SORBS2: variants seen among roughly 807,000 people sequenced by gnomAD.
SORBS2 encodes the protein sorbin and SH3 domain-containing protein 2.
Under a neutral mutation model 97.7 loss-of-function variants are expected in SORBS2, and 46 were observed. The ratio of observed to expected loss-of-function variants is 0.47; its 90% CI spans 0.37 to 0.60. SORBS2 has a LOEUF of 0.60. Ranked by LOEUF, SORBS2 falls within the 20% of genes least tolerant of loss-of-function variation. SORBS2 has a pLI of 0.00. For missense variants in SORBS2, 1,316 were observed against 1,282.3 expected, an observed-to-expected ratio of 1.03 and a Z score of -0.40; for synonymous variants, 476 against 473.4, an observed-to-expected ratio of 1.01 and a Z score of -0.07.
At chr4:185,698,488 A>G (rs909059192) in intron 2 of SORBS2, among the ~76,000 whole-genome samples, 8 of 127,136 alleles carry the variant, frequency 6.3e-5, no homozygotes, top group Admixed American at 3.5e-4. Context: ...GCAAGACTCC[A>G]TCTCAAAAAA....
intron 13 of SORBS2, chr4:185,593,034 G>C (rs967100059): frequency 4.6e-5 from 7 of 152,314 alleles, no homozygotes; most frequent in Non-Finnish European, 8.8e-5. Flanking sequence ...TCATATGCCA[G>C]GACCTGCCGC....
chr4:185,688,926 A>T (rs1364538633), intron 2 of SORBS2, among the ~76,000 whole-genome samples: 1 of 152,196 alleles, frequency 6.6e-6, no homozygotes, highest in African/African-American at 2.4e-5. Flanking sequence ...TAAGCAAAAT[A>T]ATCCTATACA....
intron 4 of SORBS2, chr4:185,646,298 T>C (rs1176791948): frequency 6.3e-6 from 1 of 159,838 alleles, no homozygotes; most frequent in Non-Finnish European, 1.4e-5. Context: ...AGTTAAACTC[T>C]GATTAATGAT....
chr4:185,857,994 G>A (rs1405478945), intron 1 of SORBS2, among the ~76,000 whole-genome samples: 1 of 152,146 alleles, frequency 6.6e-6, no homozygotes, highest in Non-Finnish European at 1.5e-5. Flanking sequence ...GCCCTTTGAA[G>A]TATGTGATCT....
intron 12 of SORBS2, among the ~76,000 whole-genome samples, chr4:185,599,931 G>A (rs1050847079): frequency 6.6e-6 from 1 of 152,174 alleles, no homozygotes; most frequent in Non-Finnish European, 1.5e-5. Context: ...CACAAAGTGG[G>A]GGCATGCTGA....
At chr4:185,855,830 G>A (rs769802101) in intron 1 of SORBS2, among the ~76,000 whole-genome samples, 3 of 152,172 alleles carry the variant, frequency 2.0e-5, no homozygotes, top group Non-Finnish European at 4.4e-5. Flanking sequence ...ACCCTAGTTA[G>A]CATGAAGATG....
chr4:185,749,710 A>G (rs753676045), intron 2 of SORBS2, among the ~76,000 whole-genome samples: 33 of 152,380 alleles, frequency 2.2e-4, no homozygotes, highest in Non-Finnish European at 4.6e-4. Context: ...AATGGGCCAG[A>G]TAGACTAGTT....
At chr4:185,663,498 T>C (rs2097549869) in intron 4 of SORBS2, among the ~76,000 whole-genome samples, 1 of 152,214 alleles carries the variant, frequency 6.6e-6, no homozygotes, top group Non-Finnish European at 1.5e-5. Flanking sequence ...TACACTCATA[T>C]CATAACCAGC....
At chr4:185,649,967 A>C (rs2097284058) in intron 2 of SORBS2, among the ~76,000 whole-genome samples, 1 of 152,172 alleles carries the variant, frequency 6.6e-6, no homozygotes, top group Non-Finnish European at 1.5e-5. Flanking sequence ...CACTCAGCAA[A>C]TTTTCTCTTC....
chr4:185,831,835 A>G (rs2099205327), intron 1 of SORBS2, among the ~76,000 whole-genome samples: 1 of 152,212 alleles, frequency 6.6e-6, no homozygotes, highest in African/African-American at 2.4e-5. Context: ...ATAGGACTGA[A>G]CTGAGGCAAA....
chr4:185,820,093 C>T (rs934816516), intron 1 of SORBS2, among the ~76,000 whole-genome samples: 2 of 152,118 alleles, frequency 1.3e-5, no homozygotes, highest in African/African-American at 2.4e-5. Flanking sequence ...TGGGTGGGCA[C>T]GGACCTCCGG....
intron 1 of SORBS2, among the ~76,000 whole-genome samples, chr4:185,857,760 T>C (rs1282419408): frequency 6.6e-6 from 1 of 152,154 alleles, no homozygotes; most frequent in African/African-American, 2.4e-5. Context: ...AGATAAGGGA[T>C]GAAATACGCC....
chr4:185,671,295 A>G (rs143701039), intron 4 of SORBS2, among the ~76,000 whole-genome samples: 158 of 152,320 alleles, frequency 1.0e-3, no homozygotes, highest in African/African-American at 3.6e-3. Context: ...TGTGGTATTC[A>G]GATCGGGAAT....
intron 2 of SORBS2, among the ~76,000 whole-genome samples, chr4:185,716,756 T>G (rs879451923): frequency 9.2e-5 from 14 of 152,032 alleles, no homozygotes; most frequent in Non-Finnish European, 1.9e-4. Flanking sequence ...CTGGATTGAG[T>G]GGGAGCCAGT....
At chr4:185,708,093 G>T (rs2098372610) in intron 2 of SORBS2, among the ~76,000 whole-genome samples, 1 of 152,190 alleles carries the variant, frequency 6.6e-6, no homozygotes, top group Non-Finnish European at 1.5e-5. Flanking sequence ...AGGGCACAGT[G>T]GGTTCTGGGT....
intron 1 of SORBS2, among the ~76,000 whole-genome samples, chr4:185,828,855 T>C (rs2099203523): frequency 6.6e-6 from 1 of 152,166 alleles, no homozygotes; most frequent in South Asian, 2.1e-4. Flanking sequence ...CCATCCCCTG[T>C]GGTGGAGGCA....
intron 1 of SORBS2, among the ~76,000 whole-genome samples, chr4:185,951,534 C>A (rs2099277227): frequency 6.6e-6 from 1 of 152,306 alleles, no homozygotes; most frequent in South Asian, 2.1e-4. Context: ...TGACATTGCA[C>A]ATTCAGGATT....
exon 8 of SORBS2, chr4:185,620,109 A>G: frequency 1.9e-6 from 3 of 1,612,596 alleles, no homozygotes; most frequent in South Asian, 1.1e-5. Flanking sequence ...ACTTCTCCCC[A>G]TGTCAGTCAA....
upstream of SORBS2, chr4:185,657,281 G>C (rs111507141): frequency 1.4e-5 from 9 of 659,788 alleles, no homozygotes; most frequent in African/African-American, 1.5e-4. Context: ...GCCACACACA[G>C]CATAACATTC....
Sources: allele counts gnomAD v4.1 joint callset (sites outside exome capture counted in the v4.1 genomes callset), GRCh38; gene constraint gnomAD v4.1.1; transcripts MANE v1.5; gene names NCBI Gene and HGNC (gene_info 2026-07-23, HGNC 2026-07-21).